Variants in RNF121 observed in about 807,000 individuals in gnomAD.
RNF121 encodes E3 ubiquitin ligase RNF121.
RNF121 carries 21 observed loss-of-function variants against 46.5 expected under a neutral mutation model. The ratio of observed to expected loss-of-function variants is 0.45; its 90% CI spans 0.32 to 0.65. The LOEUF is 0.65. Ranked by LOEUF, RNF121 falls within the 30% of genes least tolerant of loss-of-function variation. The pLI is 0.04. For missense variants in RNF121, 346 were observed against 416.0 expected, an observed-to-expected ratio of 0.83 and a Z score of 1.46; for synonymous variants, 139 against 144.7, an observed-to-expected ratio of 0.96 and a Z score of 0.28.
intron 6 of RNF121, among the ~76,000 whole-genome samples, chr11:71,993,992 C>G (rs959008296): frequency 1.3e-5 from 2 of 151,992 alleles, no homozygotes; most frequent in Non-Finnish European, 2.9e-5. Context: ...AGGCGCCCCC[C>G]ACCATGCCTG....
chr11:71,929,073 G>A lies in RNF121; in HGVS notation c.12G>A (p.Val4=), dbSNP rs1475054699. ...GGCGAGCCGTGAAGATGGCGGCAGT[G>A]GTGGAGGTGGAGGTTGGAGGTGGTG... is the stretch of plus-strand genomic sequence containing the variant. MAA[V]VEVEVGGGAA... Residue 4 remains valine (V), a synonymous_variant, in exon 1 of 9, where the codon GTG becomes GTA. Transcript: ENST00000361756. 3.2e-6 allele frequency: 5 copies of A among 1,551,558 alleles called. No individual in the cohort carries two copies. Among genetic ancestry groups the A allele is most frequent in the South Asian group, 1.2e-5 (1 of 84,048 alleles).
chr11:71,934,414 T>C (rs954348751), intron 1 of RNF121, among the ~76,000 whole-genome samples: 1 of 152,252 alleles, frequency 6.6e-6, no homozygotes. Flanking sequence ...CAGTCAGTGT[T>C]ACGTCTCCTC....
intron 1 of RNF121, 75 bp downstream of exon 1, chr11:71,929,199 G>T (rs1222229938): frequency 1.3e-6 from 2 of 1,508,170 alleles, no homozygotes; most frequent in South Asian, 2.6e-5. Context: ...CGGGAGGTGG[G>T]GGTCTTAGGA....
At chr11:71,984,203 A>AC (rs1954719473) in intron 4 of RNF121, among the ~76,000 whole-genome samples, 1 of 152,268 alleles carries the variant, frequency 6.6e-6, no homozygotes. Context: ...CACCAAGGAC[A>AC]CCACAAACAG....
At chr11:71,988,464 T>C (rs1405436235) in intron 5 of RNF121, among the ~76,000 whole-genome samples, 9 of 152,132 alleles carry the variant, frequency 5.9e-5, no homozygotes, top group African/African-American at 2.2e-4. Flanking sequence ...AGCCTAGTTA[T>C]ATTGTAGGCA....
rs1954669994 is a variant in RNF121, at chr11:71,982,030, A to G, written c.244-731A>G. ...TTGGATGTGATATTGTCAGGCAGAA[A>G]GGCAGGCAGGTGGGAAGGACAACCT... On this transcript the variant is annotated intron_variant, in intron 3 of 8. Coordinates refer to ENST00000361756, the MANE Select transcript of RNF121 (RefSeq NM_018320.5). Among the ~76,000 whole-genome samples the G allele has an allele frequency of 2.0e-5, 3 of 152,316 alleles. No homozygotes were observed. In the South Asian group the frequency reaches 6.2e-4, roughly 32 times the overall value.
intron 1 of RNF121, among the ~76,000 whole-genome samples, chr11:71,956,932 G>A (rs528404732): frequency 5.3e-5 from 8 of 152,120 alleles, no homozygotes; most frequent in Non-Finnish European, 7.3e-5. Flanking sequence ...TTCTGTTTAC[G>A]TCTGTCTTTC....
rs186126609 is a variant in RNF121 at position 71,972,598 on chromosome 11, T to C, written c.244-10163T>C. Among the ~76,000 whole-genome samples the C allele has an allele frequency of 2.6e-4, 40 of 152,134 alleles. No homozygotes were observed. In the East Asian group the frequency reaches 7.3e-3, roughly 28 times the overall value. On this transcript the variant is annotated intron_variant, in intron 3 of 8. Coordinates refer to ENST00000361756, the MANE Select transcript of RNF121 (RefSeq NM_018320.5). The stretch of plus-strand genomic sequence containing the variant: ...TTTGGGCCATATAATTCTTTTTTTC[T>C]CGGGGGCTGTCCTGTATATTATAGG...
rs778463198 is a variant in RNF121 at position 71,994,805 on chromosome 11, T to C, written c.714T>C (p.Ser238=). ...VCGQQIFVDV[S]EEGIIENTYR... ...GGCAGCAGATCTTTGTGGACGTCAG[T>C]GAAGAGGGGATCATTGAGAACACGT... Residue 238 remains serine (S), a synonymous_variant, in exon 7 of 9, where the codon AGT becomes AGC. Transcript: ENST00000361756. The C allele has an allele frequency of 7.4e-6, 12 of 1,614,048 alleles. No individual in the cohort carries two copies. In the Admixed American group the frequency reaches 1.8e-4, roughly 25 times the overall value.
chr11:71,977,763 C>T (rs1207785111), intron 3 of RNF121, among the ~76,000 whole-genome samples: 1 of 152,212 alleles, frequency 6.6e-6, no homozygotes, highest in Non-Finnish European at 1.5e-5. Flanking sequence ...CCTGCCTCAT[C>T]TTTCCACTGA....
intron 1 of RNF121, among the ~76,000 whole-genome samples, chr11:71,949,217 A>G (rs1392910138): frequency 6.6e-6 from 1 of 152,104 alleles, no homozygotes; most frequent in Non-Finnish European, 1.5e-5. Flanking sequence ...CAGAAGTTCA[A>G]GAGCAGCCAG....
At chr11:71,983,980 TTGGTAGTTTAC>T (rs1230293790) in intron 4 of RNF121, among the ~76,000 whole-genome samples, 1 of 152,224 alleles carries the variant, frequency 6.6e-6, no homozygotes, top group African/African-American at 2.4e-5. Context: ...CTCTCTGGCT[TTGGTAGTTTAC>T]TTTAAAGGCC....
At chr11:71,976,051 A>T (rs1316697670) in intron 3 of RNF121, among the ~76,000 whole-genome samples, 2 of 152,078 alleles carry the variant, frequency 1.3e-5, no homozygotes, top group South Asian at 4.1e-4. Context: ...TACACTGAAT[A>T]TGTCTGTTTA....
chr11:71,960,951 A>G, intron 3 of RNF121, 60 bp downstream of exon 3: 1 of 1,579,736 alleles, frequency 6.3e-7, no homozygotes, highest in Non-Finnish European at 8.6e-7. Flanking sequence ...CTTCCTAAGT[A>G]TTCTAGGTCC....
At chr11:71,964,934 G>C (rs1305299611) in intron 3 of RNF121, among the ~76,000 whole-genome samples, 2 of 152,148 alleles carry the variant, frequency 1.3e-5, no homozygotes, top group African/African-American at 4.8e-5. Context: ...AGAGGTAAAG[G>C]CCTGTCTTGT....
intron 1 of RNF121, 46 bp from the exon 2 acceptor site, chr11:71,957,181 C>T: frequency 7.9e-7 from 1 of 1,269,916 alleles, no homozygotes; most frequent in Non-Finnish European, 1.2e-6. Context: ...TTGGCAGGGA[C>T]AGTTTTAAGA....
At chr11:71,970,643 CAG>C (rs1449506531) in intron 3 of RNF121, among the ~76,000 whole-genome samples, 3 of 152,022 alleles carry the variant, frequency 2.0e-5, no homozygotes, top group African/African-American at 7.3e-5. Context: ...GCCTGGGTGA[CAG>C]AGTGAGACTG....
At chr11:71,957,601 G>A (rs1954020776) in intron 2 of RNF121, among the ~76,000 whole-genome samples, 2 of 152,168 alleles carry the variant, frequency 1.3e-5, no homozygotes, top group Admixed American at 1.3e-4. Flanking sequence ...TCATAGAGTT[G>A]TGAGGATTAA....
chr11:71,966,912 C>T (rs7951194), intron 3 of RNF121, among the ~76,000 whole-genome samples: 130,974 of 147,512 alleles, frequency 0.89, 58,414 homozygotes, highest in Non-Finnish European at 0.95. Context: ...TCACCCAGGC[C>T]GGACTGCGGA....
Sources: gnomAD v4.1 joint callset for allele counts (sites outside exome capture counted in the v4.1 genomes callset) on GRCh38, gnomAD v4.1.1 for gene constraint, MANE v1.5 for transcripts, NCBI Gene and HGNC (gene_info 2026-07-23, HGNC 2026-07-21) for gene names.